The following SH3BP5 variants were observed in gnomAD, a reference collection of about 807,000 sequenced individuals.
The protein encoded by SH3BP5 is SH3 domain binding protein 5, also known as SH3 domain-binding protein 5.
A neutral mutation model predicts 43.3 loss-of-function variants in SH3BP5; 22 were observed. That is an observed-to-expected ratio of 0.51 (90% CI 0.36 to 0.73). The LOEUF is 0.73. Ranked by LOEUF, SH3BP5 falls within the 30% of genes least tolerant of loss-of-function variation. The pLI is 0.00. For missense variants in SH3BP5, 529 were observed against 586.9 expected, an observed-to-expected ratio of 0.90 and a Z score of 1.02; for synonymous variants, 255 against 225.8, an observed-to-expected ratio of 1.13 and a Z score of -1.16.
At chr3:15,303,903 T>C (rs1238312680) in intron 3 of SH3BP5, among the ~76,000 whole-genome samples, 200 bp downstream of exon 3, 2 of 152,066 alleles carry the variant, frequency 1.3e-5, no homozygotes, top group East Asian at 3.9e-4. Context: ...ACTTGCAGGG[T>C]CATCCAAATG....
intron 3 of SH3BP5, among the ~76,000 whole-genome samples, chr3:15,282,429 C>A (rs1575307029): frequency 6.6e-6 from 1 of 152,056 alleles, no homozygotes; most frequent in Non-Finnish European, 1.5e-5. Flanking sequence ...AAAAAGTTTA[C>A]AAAATTGCTT....
intron 2 of SH3BP5, among the ~76,000 whole-genome samples, chr3:15,329,423 C>T (rs1040665443): frequency 7.9e-5 from 12 of 152,192 alleles, no homozygotes; most frequent in African/African-American, 2.9e-4. Flanking sequence ...TTTTACTTTA[C>T]TTGGGGAGAA....
intron 5 of SH3BP5, chr3:15,260,620 GGTGTATAAGCTCTCTC>G (rs1696400048): frequency 6.6e-6 from 1 of 152,224 alleles, no homozygotes; most frequent in Non-Finnish European, 1.5e-5. Context: ...GGGAGAGAGA[GGTGTATAAGCTCTCTC>G]GTGTGACCAA....
At chr3:15,265,861 A>AT (rs923739753) in intron 4 of SH3BP5, among the ~76,000 whole-genome samples, 1 of 151,874 alleles carries the variant, frequency 6.6e-6, no homozygotes, top group Non-Finnish European at 1.5e-5. Context: ...GACCCTGCTC[A>AT]TATCAGCCCA....
chr3:15,256,056 A>G lies in SH3BP5; in HGVS notation c.*30T>C. On this transcript the variant is annotated 3_prime_UTR_variant, in exon 9 of 9. Coordinates refer to ENST00000383791, the MANE Select transcript of SH3BP5 (RefSeq NM_004844.5). Reference sequence around the variant, plus strand: ...TCTCCAGTTCCATGTATAAATGTTGATATGCACATCGGCCAGGGCCCAGGA... The same window carrying G: ...TCTCCAGTTCCATGTATAAATGTTGGTATGCACATCGGCCAGGGCCCAGGA... The G allele has an allele frequency of 6.6e-7, 1 of 1,523,494 alleles. No homozygotes were observed. The highest frequency in any genetic ancestry group is 9.1e-7 in the Non-Finnish European group (1 of 1,102,594). 94.4% of individuals were successfully genotyped at this position (1,523,494 alleles called of 1,614,324 possible).
chr3:15,267,895 T>C (rs1010637589), intron 4 of SH3BP5, among the ~76,000 whole-genome samples: 23 of 152,232 alleles, frequency 1.5e-4, no homozygotes, highest in African/African-American at 5.5e-4. Flanking sequence ...TGCTTGCTTA[T>C]AGGCTGACAT....
Position 15,256,164 on chromosome 3 carries a change from C to A in SH3BP5, c.1290G>T (p.Arg430=). The change falls in exon 9 of 9, where the codon CGG becomes CGT. Residue 430 remains arginine, a synonymous_variant. Coordinates refer to ENST00000383791, the MANE Select transcript of SH3BP5 (RefSeq NM_004844.5). ...TSPEGQALEN[R]MKQLSLQCSK... ...AGCACTGTAGGGAGAGCTGCTTCAT[C>A]CGGTTCTCCAAGGCCTGGCCCTCAG... The A allele has an allele frequency of 1.2e-6, 2 of 1,614,206 alleles. No homozygotes were observed. Among genetic ancestry groups the A allele is most frequent in the Non-Finnish European group, 1.7e-6 (2 of 1,180,016 alleles).
At chr3:15,298,103 A>C (rs1053868900) in intron 3 of SH3BP5, among the ~76,000 whole-genome samples, 24 of 151,616 alleles carry the variant, frequency 1.6e-4, no homozygotes, top group Admixed American at 7.9e-4. Flanking sequence ...CTGCCTCCTG[A>C]GTAGCTGGGA....
intron 2 of SH3BP5, among the ~76,000 whole-genome samples, chr3:15,320,082 A>G (rs1443315873): frequency 2.0e-5 from 3 of 152,214 alleles, no homozygotes; most frequent in African/African-American, 7.2e-5. Flanking sequence ...CTTCAAATCT[A>G]GCAAAATGAA....
chr3:15,320,455 A>T (rs9868046), intron 2 of SH3BP5, among the ~76,000 whole-genome samples: 64,009 of 151,898 alleles, frequency 0.42, 14,282 homozygotes, highest in African/African-American at 0.57. Flanking sequence ...GTTAAAATGC[A>T]CTACAAAAAA....
intron 4 of SH3BP5, among the ~76,000 whole-genome samples, chr3:15,269,305 T>C (rs973726345): frequency 6.6e-6 from 1 of 152,158 alleles, no homozygotes; most frequent in African/African-American, 2.4e-5. Context: ...CGACAGCACA[T>C]ACCCGAAGTG....
intron 3 of SH3BP5, chr3:15,273,079 G>A (rs1012584927): frequency 1.0e-6 from 1 of 968,704 alleles, no homozygotes; most frequent in Non-Finnish European, 1.2e-6. Context: ...CACCTTAAAA[G>A]CCACTCCACC....
upstream of SH3BP5, among the ~76,000 whole-genome samples, chr3:15,334,437 A>T (rs534337299): frequency 2.0e-5 from 3 of 152,316 alleles, no homozygotes; most frequent in African/African-American, 7.2e-5. Context: ...TGCATATTTA[A>T]AAATACATGG....
At chr3:15,321,346 T>C (rs771668598) in intron 2 of SH3BP5, among the ~76,000 whole-genome samples, 2 of 152,184 alleles carry the variant, frequency 1.3e-5, no homozygotes, top group African/African-American at 2.4e-5. Context: ...CATCCTTCCA[T>C]GAATTACAAC....
At chr3:15,273,063 A>T in intron 3 of SH3BP5, 3 of 878,130 alleles carry the variant, frequency 3.4e-6, no homozygotes, top group Non-Finnish European at 2.7e-6. Flanking sequence ...AGCAGAGGGA[A>T]CCTGTCACCT....
At chr3:15,268,197 C>T (rs935871833) in intron 4 of SH3BP5, among the ~76,000 whole-genome samples, 4 of 152,218 alleles carry the variant, frequency 2.6e-5, no homozygotes, top group African/African-American at 4.8e-5. Context: ...TGCGTAAAGT[C>T]AACGCGGATT....
At chr3:15,258,562 A>G (rs1226042009) in intron 7 of SH3BP5, 5 of 484,818 alleles carry the variant, frequency 1.0e-5, no homozygotes, top group Non-Finnish European at 1.5e-5. Flanking sequence ...TCAGCCTTGA[A>G]TGTTCAAATG....
At chr3:15,259,175 T>C in intron 6 of SH3BP5, 125 bp from the exon 7 acceptor site, 1 of 739,092 alleles carries the variant, frequency 1.4e-6, no homozygotes, top group South Asian at 1.8e-5. Flanking sequence ...AAGACATGAC[T>C]GAAGACCTAA....
chr3:15,264,109 T>TA (rs1365468552), intron 4 of SH3BP5, among the ~76,000 whole-genome samples: 1 of 152,200 alleles, frequency 6.6e-6, no homozygotes, highest in Non-Finnish European at 1.5e-5. Flanking sequence ...ACTTATTACT[T>TA]ACGATAAGGA....
Sources: allele counts gnomAD v4.1 joint callset (sites outside exome capture counted in the v4.1 genomes callset), GRCh38; gene constraint gnomAD v4.1.1; transcripts MANE v1.5; gene names NCBI Gene and HGNC (gene_info 2026-07-23, HGNC 2026-07-21).